TPD52: variants seen among roughly 807,000 people sequenced by gnomAD.
The protein encoded by TPD52 is prostate and colon associated protein.
Under a neutral mutation model 31.3 loss-of-function variants are expected in TPD52, and 17 were observed. That is an observed-to-expected ratio of 0.54 (90% CI 0.37 to 0.82). The LOEUF (loss-of-function observed/expected upper bound fraction) is 0.82, where lower values mean the gene tolerates loss of function less well. Among genes scored for constraint, TPD52 ranks in the 40% least tolerant of loss-of-function variants. TPD52 has a pLI of 0.00. For synonymous variants in TPD52, 83 were observed against 89.6 expected (o/e 0.93, Z 0.42); for missense variants, 212 against 240.1 (o/e 0.88, Z 0.77).
intron 1 of TPD52, among the ~76,000 whole-genome samples, chr8:80,079,302 A>C (rs1183893712): frequency 6.6e-6 from 1 of 152,090 alleles, no homozygotes; most frequent in Admixed American, 6.5e-5. Flanking sequence ...CCTGCCCCCA[A>C]CTTCTACAGA....
Position 80,072,317 on chromosome 8 carries a change from A to ATGTGTGTGTGTGTGTGTGTGTG in TPD52, c.20-7746_20-7725dup, listed in dbSNP as rs146024001. On this transcript the variant is annotated intron_variant, in intron 1 of 7. Transcript: ENST00000518937. ...GAGAGACTCCATCTAAAAAACATAT[A>ATGTGTGTGTGTGTGTGTGTGTG]TGTGTGTGTGTGTGTGTGTGTGTGT... 1.2e-4 allele frequency among the ~76,000 whole-genome samples: 14 copies of ATGTGTGTGTGTGTGTGTGTGTG among 121,352 alleles called. 1 individual carries two copies. Among genetic ancestry groups the ATGTGTGTGTGTGTGTGTGTGTG allele is most frequent in the East Asian group, 2.3e-4 (1 of 4,268 alleles). 79.6% of individuals were successfully genotyped at this position (121,352 alleles called of 152,430 possible). A position where few individuals can be genotyped will look rare whatever the true frequency, so the allele number is the denominator to read the frequency against.
At chr8:80,073,619 T>A (rs1008616995) in intron 1 of TPD52, among the ~76,000 whole-genome samples, 5 of 152,242 alleles carry the variant, frequency 3.3e-5, no homozygotes, top group Admixed American at 2.0e-4. Flanking sequence ...AGCAGATGCG[T>A]GTCAACACTG....
chr8:80,091,667 G>T (rs1039245148), intron 1 of TPD52, among the ~76,000 whole-genome samples: 3 of 151,738 alleles, frequency 2.0e-5, no homozygotes, highest in Admixed American at 6.6e-5. Context: ...GAAATGTTAT[G>T]GTCACTCCAC....
chr8:80,111,757 T>G lies in TPD52; in HGVS notation c.20-47164A>C, dbSNP rs189625923. Among the ~76,000 whole-genome samples the G allele has an allele frequency of 2.6e-5, 4 of 152,300 alleles. No homozygotes were observed. The East Asian group carries it at 7.7e-4, about 29-fold the overall frequency. On this transcript the variant is annotated intron_variant, in intron 1 of 7. Transcript: ENST00000518937. ...TAGAAGATGTAGAAGGAACAAGTAC[T>G]CTTGGGTCAGGCAGAGCCAAGGATC... is the stretch of plus-strand genomic sequence containing the variant.
At chr8:80,042,854 A>G in intron 6 of TPD52, 186 bp from the exon 7 acceptor site, 1 of 503,714 alleles carries the variant, frequency 2.0e-6, no homozygotes, top group South Asian at 3.7e-5. Context: ...TTCTGATCTA[A>G]TATTTTAAGA....
intron 1 of TPD52, among the ~76,000 whole-genome samples, chr8:80,137,880 G>C (rs76590012): frequency 6.6e-6 from 1 of 152,154 alleles, no homozygotes; most frequent in South Asian, 2.1e-4. Context: ...CAATGCTGCA[G>C]TGAGTCATGA....
chr8:80,042,671 A>G lies in TPD52; in HGVS notation c.456-3T>C. The G allele has an allele frequency of 1.2e-6, 2 of 1,610,344 alleles. No homozygotes were observed. Among genetic ancestry groups the G allele is most frequent in the Non-Finnish European group, 1.7e-6 (2 of 1,178,808 alleles). ...ATGATTTAAAAGTTGGGGAGTTTCTATGGAGAGAAAAGAAAAACAAATAGT... is the reference window on the plus strand; with the variant it reads ...ATGATTTAAAAGTTGGGGAGTTTCTGTGGAGAGAAAAGAAAAACAAATAGT... On this transcript the variant is annotated splice_region_variant and splice_polypyrimidine_tract_variant and intron_variant, in intron 6 of 7. Transcript: ENST00000518937.
intron 1 of TPD52, among the ~76,000 whole-genome samples, chr8:80,129,804 A>G (rs2131077152): frequency 6.7e-6 from 1 of 149,926 alleles, no homozygotes; most frequent in Non-Finnish European, 1.5e-5. Flanking sequence ...GGTTCAAGCG[A>G]TTCTCCTGCC....
intron 1 of TPD52, among the ~76,000 whole-genome samples, chr8:80,100,538 C>G (rs1026967322): frequency 6.6e-6 from 1 of 152,218 alleles, no homozygotes; most frequent in South Asian, 2.1e-4. Context: ...AAGGACTTTT[C>G]AGCAGGTGGC....
At chr8:80,083,819 C>T (rs1179658709) in intron 1 of TPD52, among the ~76,000 whole-genome samples, 2 of 152,134 alleles carry the variant, frequency 1.3e-5, no homozygotes, top group African/African-American at 4.8e-5. Context: ...AGATTTGGTC[C>T]TGTCCTGTGG....
At chr8:80,086,883 A>C (rs1361990912) in intron 1 of TPD52, among the ~76,000 whole-genome samples, 24 of 54,098 alleles carry the variant, frequency 4.4e-4, no homozygotes, top group African/African-American at 1.5e-3. Flanking sequence ...TCAACAAAAA[A>C]AAAAAAAAAA....
Position 80,072,683 on chromosome 8 carries a change from A to G in TPD52, c.20-8090T>C, listed in dbSNP as rs112374082. 1.3e-4 allele frequency among the ~76,000 whole-genome samples: 8 copies of G among 59,822 alleles called. 1 individual carries two copies. The highest frequency in any genetic ancestry group is 1.3e-4 in the Non-Finnish European group (3 of 23,900). 39.2% of individuals were successfully genotyped at this position (59,822 alleles called of 152,430 possible). A position where few individuals can be genotyped will look rare whatever the true frequency, so the allele number is the denominator to read the frequency against. On this transcript the variant is annotated intron_variant, in intron 1 of 7. Coordinates refer to ENST00000518937, the MANE Select transcript of TPD52 (RefSeq NM_001025253.3). ...TGTGTATATACATGTACACATAGAT[A>G]TGTGTGTATATACACACATATATAC...
intron 1 of TPD52, among the ~76,000 whole-genome samples, chr8:80,094,341 T>C (rs1236294158): frequency 2.0e-5 from 3 of 149,558 alleles, no homozygotes; most frequent in Admixed American, 6.7e-5. Flanking sequence ...AATTTGTTCT[T>C]ATTCTTACGC....
chr8:80,122,077 T>A (rs1381922016), intron 1 of TPD52, among the ~76,000 whole-genome samples: 1 of 151,038 alleles, frequency 6.6e-6, no homozygotes, highest in Non-Finnish European at 1.5e-5. Flanking sequence ...ATTTTATAGA[T>A]GAGAAAGGTA....
At chr8:80,157,488 AC>A (rs1811053647) in intron 1 of TPD52, among the ~76,000 whole-genome samples, 1 of 152,080 alleles carries the variant, frequency 6.6e-6, no homozygotes, top group African/African-American at 2.4e-5. Context: ...CTCAACAATG[AC>A]CTGAAGAAAA....
At chr8:80,150,908 T>C (rs1042479623) in intron 1 of TPD52, among the ~76,000 whole-genome samples, 2 of 152,206 alleles carry the variant, frequency 1.3e-5, no homozygotes, top group Non-Finnish European at 2.9e-5. Context: ...TGGGGGACTG[T>C]TGGGAAGCCA....
chr8:80,128,325 A>T (rs1030348308), intron 1 of TPD52, among the ~76,000 whole-genome samples: 2 of 152,016 alleles, frequency 1.3e-5, no homozygotes, highest in Non-Finnish European at 2.9e-5. Context: ...TTTCAAGTAC[A>T]TTCTATTTTT....
chr8:80,041,129 A>G (rs1810342299), intron 7 of TPD52, among the ~76,000 whole-genome samples: 2 of 152,140 alleles, frequency 1.3e-5, no homozygotes, highest in African/African-American at 4.8e-5. Context: ...ATCACACACC[A>G]AGGCGCCTGT....
rs1809982270 is a variant in TPD52, at chr8:80,037,401, G to A, written c.*715C>T. 6.6e-6 allele frequency: 1 copy of A among 152,168 alleles called. No homozygotes were observed. The allele number at this position is 152,168 out of a possible 1,614,324, so 9.4% of individuals were successfully genotyped here. ...CCTGGTGAAAAATAAGTTGATATAA[G>A]TGGTATAATAAACAATACACTGAAA... On this transcript the variant is annotated 3_prime_UTR_variant, in exon 8 of 8. Coordinates refer to ENST00000518937, the MANE Select transcript of TPD52 (RefSeq NM_001025253.3).
Sources: allele counts gnomAD v4.1 joint callset (sites outside exome capture counted in the v4.1 genomes callset), GRCh38; gene constraint gnomAD v4.1.1; transcripts MANE v1.5; gene names NCBI Gene and HGNC (gene_info 2026-07-23, HGNC 2026-07-21).